Variants in NYAP2 observed in about 807,000 individuals in gnomAD.
NYAP2 encodes the protein neuronal tyrosine-phosphorylated phosphoinositide-3-kinase adapter 2.
NYAP2 carries 23 observed loss-of-function variants against 50.4 expected under a neutral mutation model. The ratio of observed to expected loss-of-function variants is 0.46; its 90% CI spans 0.33 to 0.65. NYAP2 has a LOEUF of 0.65. NYAP2 is among the 30% of genes least tolerant of loss of function. The pLI is 0.02. For missense variants in NYAP2, 885 were observed against 861.0 expected, an observed-to-expected ratio of 1.03 and a Z score of -0.35; for synonymous variants, 394 against 365.2, an observed-to-expected ratio of 1.08 and a Z score of -0.90.
At chr2:225,668,564 G>A in the NYAP2 span, among the ~76,000 whole-genome samples, 1 of 152,094 alleles carries the variant, frequency 6.6e-6, no homozygotes, top group Non-Finnish European at 1.5e-5. Flanking sequence ...TTGACCTAAT[G>A]TTTTCTCATG....
chr2:225,646,599 A>G (rs1693639635), intron 6 of NYAP2, among the ~76,000 whole-genome samples: 1 of 152,090 alleles, frequency 6.6e-6, no homozygotes, highest in South Asian at 2.1e-4. Context: ...AGTGTTATGG[A>G]CTGTATGTGT....
exon 7 of NYAP2, chr2:225,651,600 CTCTG>C (rs1693733998): frequency 2.5e-6 from 4 of 1,612,028 alleles, no homozygotes; most frequent in Non-Finnish European, 3.4e-6. Flanking sequence ...TGCTTCCCAC[CTCTG>C]TCTGTCCTGT....
chr2:225,669,442 T>C, the NYAP2 span, among the ~76,000 whole-genome samples: 59 of 152,270 alleles, frequency 3.9e-4, 1 homozygote, highest in African/African-American at 1.4e-3. Flanking sequence ...AATCTCTATA[T>C]ATTTCAACTG....
intron 4 of NYAP2, among the ~76,000 whole-genome samples, chr2:225,519,016 T>G (rs2106189652): frequency 6.6e-6 from 1 of 151,946 alleles, no homozygotes; most frequent in East Asian, 1.9e-4. Context: ...AGACTCTGTA[T>G]CAAAAATAAA....
chr2:225,599,282 A>G (rs1029138771), intron 5 of NYAP2, among the ~76,000 whole-genome samples: 2 of 152,072 alleles, frequency 1.3e-5, no homozygotes, highest in African/African-American at 4.8e-5. Flanking sequence ...CCTAAAAAGC[A>G]CTCACTTGCA....
At chr2:225,519,469 T>C (rs1400244751) in intron 4 of NYAP2, among the ~76,000 whole-genome samples, 1 of 135,782 alleles carries the variant, frequency 7.4e-6, no homozygotes. Flanking sequence ...CCCCTTCCTG[T>C]GTCCATGTGT....
At chr2:225,531,248 C>T (rs540046502) in intron 4 of NYAP2, among the ~76,000 whole-genome samples, 1 of 152,304 alleles carries the variant, frequency 6.6e-6, no homozygotes, top group East Asian at 1.9e-4. Context: ...CCAGACAAAC[C>T]ATGCTTGTTC....
chr2:225,688,033 A>AT, the NYAP2 span, among the ~76,000 whole-genome samples: 1 of 152,176 alleles, frequency 6.6e-6, no homozygotes, highest in Non-Finnish European at 1.5e-5. Flanking sequence ...AAGAATTTGC[A>AT]TTTTAATAAA....
intron 6 of NYAP2, among the ~76,000 whole-genome samples, chr2:225,628,816 A>T (rs1392647386): frequency 2.0e-5 from 3 of 152,150 alleles, no homozygotes; most frequent in Admixed American, 1.3e-4. Flanking sequence ...TATAAAAATC[A>T]GAAGCATTCT....
intron 5 of NYAP2, among the ~76,000 whole-genome samples, chr2:225,583,421 C>T (rs1047806554): frequency 2.0e-5 from 3 of 151,972 alleles, no homozygotes; most frequent in Non-Finnish European, 4.4e-5. Context: ...GCAATCTTAA[C>T]GTGCAAAATG....
At chr2:225,460,021 T>C (rs1162819471) in intron 3 of NYAP2, among the ~76,000 whole-genome samples, 2 of 152,178 alleles carry the variant, frequency 1.3e-5, no homozygotes, top group Non-Finnish European at 2.9e-5. Flanking sequence ...TAGCTTATTA[T>C]AATTAGAAAG....
At chr2:225,555,770 T>C (rs906215838) in intron 4 of NYAP2, among the ~76,000 whole-genome samples, 1 of 152,152 alleles carries the variant, frequency 6.6e-6, no homozygotes, top group African/African-American at 2.4e-5. Context: ...ATGAGGACAA[T>C]AGGAGTCCTA....
chr2:225,411,304 G>T (rs1695035248), intron 3 of NYAP2, among the ~76,000 whole-genome samples: 1 of 152,098 alleles, frequency 6.6e-6, no homozygotes, highest in South Asian at 2.1e-4. Flanking sequence ...CCTCAGGTTT[G>T]TTCTGTTGTT....
At chr2:225,556,439 G>A (rs183951927) in intron 4 of NYAP2, among the ~76,000 whole-genome samples, 34 of 152,258 alleles carry the variant, frequency 2.2e-4, no homozygotes, top group Non-Finnish European at 3.7e-4. Flanking sequence ...TAGTCCAAAC[G>A]TGGGTGTTTT....
intron 6 of NYAP2, among the ~76,000 whole-genome samples, chr2:225,647,699 A>G (rs991098682): frequency 1.3e-5 from 2 of 152,094 alleles, no homozygotes; most frequent in African/African-American, 4.8e-5. Flanking sequence ...TTGAATGCTT[A>G]TTAGGTGGTT....
intron 4 of NYAP2, among the ~76,000 whole-genome samples, chr2:225,569,465 A>T (rs1049178229): frequency 6.6e-6 from 1 of 152,102 alleles, no homozygotes; most frequent in African/African-American, 2.4e-5. Flanking sequence ...AGACCTCGAG[A>T]CTGCTTCTTT....
intron 5 of NYAP2, among the ~76,000 whole-genome samples, chr2:225,596,272 T>A (rs2106238545): frequency 6.6e-6 from 1 of 152,362 alleles, no homozygotes; most frequent in African/African-American, 2.4e-5. Context: ...GCTTCCTTTT[T>A]AAGGGAACTC....
chr2:225,492,031 G>C (rs1690416352), intron 3 of NYAP2, among the ~76,000 whole-genome samples: 1 of 152,140 alleles, frequency 6.6e-6, no homozygotes, highest in Admixed American at 6.5e-5. Context: ...CCAGGGCCTG[G>C]GTAGGACAGG....
At chr2:225,651,824 G>T in exon 7 of NYAP2, 1 of 407,498 alleles carries the variant, frequency 2.5e-6, no homozygotes, top group Non-Finnish European at 4.4e-6. Flanking sequence ...TAGTAAACTT[G>T]TACTATATGT....
Sources: gnomAD v4.1 joint callset for allele counts (sites outside exome capture counted in the v4.1 genomes callset) on GRCh38, gnomAD v4.1.1 for gene constraint, MANE v1.5 for transcripts, NCBI Gene and HGNC (gene_info 2026-07-23, HGNC 2026-07-21) for gene names.